The following TRIM59 variants were observed in gnomAD, a reference collection of about 807,000 sequenced individuals.
TRIM59 encodes tripartite motif containing 59.
A neutral mutation model predicts 32.2 loss-of-function variants in TRIM59; 14 were observed. The ratio of observed to expected loss-of-function variants is 0.43; its 90% CI spans 0.29 to 0.68. TRIM59 has a LOEUF of 0.68. Ranked by LOEUF, TRIM59 falls within the 30% of genes least tolerant of loss-of-function variation. The pLI is 0.15. For missense variants in TRIM59, 471 were observed against 463.3 expected (o/e 1.02, Z -0.15); for synonymous variants, 163 against 155.1 (o/e 1.05, Z -0.38).
rs1718932884 is a variant in TRIM59 at position 160,436,162 on chromosome 3, A to AT, written c.*1809dup. On this transcript the variant is annotated 3_prime_UTR_variant, in exon 3 of 3. Coordinates refer to ENST00000309784, the MANE Select transcript of TRIM59 (RefSeq NM_173084.3). ...TAAGTCTGATTCTAATAATAAATTG[A>AT]TATAATACAGTCATCTTAGTGTTAA... The AT allele has an allele frequency of 6.8e-6, 7 of 1,025,598 alleles. No homozygotes were observed. Among genetic ancestry groups the AT allele is most frequent in the Middle Eastern group, 4.8e-4 (1 of 2,104 alleles). The allele number at this position is 1,025,598 out of a possible 1,614,324, so 63.5% of individuals were successfully genotyped here. A position where few individuals can be genotyped will look rare whatever the true frequency, so the allele number is the denominator to read the frequency against.
intron 2 of TRIM59, among the ~76,000 whole-genome samples, chr3:160,442,446 G>T (rs1719302108): frequency 6.6e-6 from 1 of 151,946 alleles, no homozygotes; most frequent in Non-Finnish European, 1.5e-5. Context: ...GCCAGGCATG[G>T]TGGCGCACAC....
In TRIM59 at chr3:160,439,191, CAA is replaced by C. The variant is rs776099736; in HGVS notation, c.-3-7_-3-6del. 4 of 1,484,848 alleles carry C rather than the reference CAA, an allele frequency of 2.7e-6. No homozygotes were observed. The highest frequency in any genetic ancestry group is 1.4e-5 in the African/African-American group (1 of 71,350). The allele number at this position is 1,484,848 out of a possible 1,614,324, so 92.0% of individuals were successfully genotyped here. ...TTCCTCAAAATTGTGCATTTCCTGTCAAGAGAAAAATGTATTTTAAGTTTACA... is the reference window on the plus strand; with the variant it reads ...TTCCTCAAAATTGTGCATTTCCTGTCGAGAAAAATGTATTTTAAGTTTACA... On this transcript the variant is annotated splice_region_variant and splice_polypyrimidine_tract_variant and intron_variant, in intron 2 of 2. Coordinates refer to ENST00000309784, the MANE Select transcript of TRIM59 (RefSeq NM_173084.3).
rs752742421 is a variant in TRIM59 at position 160,438,198 on chromosome 3, A to T, written c.986T>A (p.Ile329Asn). Residue 329 changes from isoleucine (I) to asparagine (N), a missense_variant, in exon 3 of 3, where the codon ATT (isoleucine) becomes AAT (asparagine). By Grantham distance (149) the Ile-to-Asn change is moderately radical. Coordinates refer to ENST00000309784, the MANE Select transcript of TRIM59 (RefSeq NM_173084.3). ...KDEKEVEFLK[I>N]LNIVVVTLIS... ...TAATGTAACTACAACAATGTTTAAA[A>T]TTTTTAAAAATTCAACTTCCTTTTC... is the stretch of plus-strand genomic sequence containing the variant. 1.2e-6 allele frequency: 2 copies of T among 1,612,944 alleles called. No individual in the cohort carries two copies. Among genetic ancestry groups the T allele is most frequent in the South Asian group, 1.1e-5 (1 of 90,708 alleles).
intron 2 of TRIM59, among the ~76,000 whole-genome samples, chr3:160,440,601 T>C (rs1293559546): frequency 3.3e-5 from 5 of 152,170 alleles, no homozygotes; most frequent in Admixed American, 2.6e-4. Flanking sequence ...GAAAGTACCT[T>C]AGGCAAAACT....
intron 1 of TRIM59, chr3:160,449,308 C>A: frequency 3.4e-6 from 1 of 290,674 alleles, no homozygotes; most frequent in Non-Finnish European, 6.4e-6. Context: ...CACTTAAGTC[C>A]TGCGAGCACC....
At chr3:160,444,955 C>T (rs1200595259) in intron 2 of TRIM59, among the ~76,000 whole-genome samples, 1 of 151,898 alleles carries the variant, frequency 6.6e-6, no homozygotes, top group Non-Finnish European at 1.5e-5. Context: ...TACACAGCCA[C>T]GACATAATTT....
intron 1 of TRIM59, among the ~76,000 whole-genome samples, chr3:160,449,287 T>C (rs1719693032): frequency 6.6e-6 from 1 of 152,204 alleles, no homozygotes; most frequent in Admixed American, 6.5e-5. Context: ...AATGGGTAAC[T>C]GCACCTACCT....
rs2108513246 is a variant in TRIM59, at chr3:160,436,808, A to G, written c.*1164T>C. ...GCAAGACTCCGTCTCAAAAAAAAAA[A>G]AAAAAAAAAAAAAAAAAGATTAAGT... On this transcript the variant is annotated 3_prime_UTR_variant, in exon 3 of 3. Coordinates refer to ENST00000309784, the MANE Select transcript of TRIM59 (RefSeq NM_173084.3). 1.1e-6 allele frequency: 1 copy of G among 894,974 alleles called. No individual in the cohort carries two copies. Among genetic ancestry groups the G allele is most frequent in the South Asian group, 5.2e-5 (1 of 19,384 alleles). The allele number at this position is 894,974 out of a possible 1,614,324, so 55.4% of individuals were successfully genotyped here.
intron 2 of TRIM59, among the ~76,000 whole-genome samples, chr3:160,446,415 TA>T (rs960688966): frequency 2.6e-4 from 39 of 151,678 alleles, no homozygotes; most frequent in African/African-American, 8.9e-4. Flanking sequence ...AGGAGTACAT[TA>T]AAAAAAACAC....
In TRIM59 at chr3:160,436,994, C is replaced by G; in HGVS notation, c.*978G>C. 1 of 985,012 alleles carries G rather than the reference C, an allele frequency of 1.0e-6. No individual in the cohort carries two copies. The highest frequency in any genetic ancestry group is 1.2e-6 in the Non-Finnish European group (1 of 829,854). 61.0% of individuals were successfully genotyped at this position (985,012 alleles called of 1,614,324 possible). A position where few individuals can be genotyped will look rare whatever the true frequency, so the allele number is the denominator to read the frequency against. On this transcript the variant is annotated 3_prime_UTR_variant, in exon 3 of 3. Transcript: ENST00000309784. ...GTTTTTAATCCAAGAACTGATTTGA[C>G]TGACGAGCAGAAAAAAAAACAATCT...
chr3:160,449,724 A>G lies in TRIM59; in HGVS notation c.-81T>C. 7.8e-7 allele frequency: 1 copy of G among 1,289,992 alleles called. No homozygotes were observed. The highest frequency in any genetic ancestry group is 1.2e-5 in the South Asian group (1 of 81,028). The allele number at this position is 1,289,992 out of a possible 1,614,324, so 79.9% of individuals were successfully genotyped here. A position where few individuals can be genotyped will look rare whatever the true frequency, so the allele number is the denominator to read the frequency against. On this transcript the variant is annotated 5_prime_UTR_variant, in exon 1 of 3. Coordinates refer to ENST00000309784, the MANE Select transcript of TRIM59 (RefSeq NM_173084.3). ...AAAGGTCCTTAGACTCACCGCGGGG[A>G]GGAAGCGGACCAGGCAACTCCACAG...
intron 2 of TRIM59, among the ~76,000 whole-genome samples, chr3:160,443,139 C>T (rs1346663730): frequency 2.6e-5 from 4 of 152,098 alleles, no homozygotes; most frequent in Admixed American, 2.6e-4. Flanking sequence ...AAAAAAGATA[C>T]AGGTGGCTAC....
chr3:160,443,863 A>G (rs991615495), intron 2 of TRIM59, among the ~76,000 whole-genome samples: 3 of 152,112 alleles, frequency 2.0e-5, no homozygotes, highest in African/African-American at 7.2e-5. Flanking sequence ...GTTGGTCTCA[A>G]TCTCCTGACC....
chr3:160,437,065 G>A lies in TRIM59; in HGVS notation c.*907C>T. On this transcript the variant is annotated 3_prime_UTR_variant, in exon 3 of 3. Coordinates refer to ENST00000309784, the MANE Select transcript of TRIM59 (RefSeq NM_173084.3). ...AATATGACAAGTATTAGAAAATGCTGGCCCCCAGGCACAGTGTGGCTAACG... is the reference window on the plus strand; with the variant it reads ...AATATGACAAGTATTAGAAAATGCTAGCCCCCAGGCACAGTGTGGCTAACG... 5 of 985,274 alleles carry A rather than the reference G, an allele frequency of 5.1e-6. No individual in the cohort carries two copies. The highest frequency in any genetic ancestry group is 4.8e-6 in the Non-Finnish European group (4 of 829,896). 61.0% of individuals were successfully genotyped at this position (985,274 alleles called of 1,614,324 possible). A position where few individuals can be genotyped will look rare whatever the true frequency, so the allele number is the denominator to read the frequency against.
chr3:160,446,757 G>A (rs1419248704), intron 2 of TRIM59, among the ~76,000 whole-genome samples: 3 of 152,152 alleles, frequency 2.0e-5, no homozygotes, highest in Non-Finnish European at 2.9e-5. Flanking sequence ...CCTGAGCTCC[G>A]CCTCCTGCCA....
chr3:160,436,106 T>C lies in TRIM59; in HGVS notation c.*1866A>G, dbSNP rs1384060741. 6.4e-6 allele frequency: 7 copies of C among 1,094,220 alleles called. No homozygotes were observed. Among genetic ancestry groups the C allele is most frequent in the Admixed American group, 5.0e-5 (1 of 20,070 alleles). The allele number at this position is 1,094,220 out of a possible 1,614,324, so 67.8% of individuals were successfully genotyped here. ...CTCTACTATGCCCTTTAAATGTTCT[T>C]TGCCCACACAATAGTTAATTGTGCT... On this transcript the variant is annotated 3_prime_UTR_variant, in exon 3 of 3. Transcript: ENST00000309784.
At chr3:160,439,757 A>T (rs543176936) in intron 2 of TRIM59, among the ~76,000 whole-genome samples, 1 of 151,866 alleles carries the variant, frequency 6.6e-6, no homozygotes, top group East Asian at 1.9e-4. Flanking sequence ...AGTCCATTAA[A>T]CCTCTTTTTC....
chr3:160,440,550 GCT>G (rs1719188836), intron 2 of TRIM59, among the ~76,000 whole-genome samples: 1 of 152,080 alleles, frequency 6.6e-6, no homozygotes, highest in African/African-American at 2.4e-5. Flanking sequence ...CTAAAGACTA[GCT>G]TACCCCTTGA....
At chr3:160,440,585 ACT>A (rs1447358849) in intron 2 of TRIM59, among the ~76,000 whole-genome samples, 1 of 152,110 alleles carries the variant, frequency 6.6e-6, no homozygotes, top group Non-Finnish European at 1.5e-5. Context: ...AAGTTATACC[ACT>A]GTTGAAAGTA....
Sources: allele counts gnomAD v4.1 joint callset (sites outside exome capture counted in the v4.1 genomes callset), GRCh38; gene constraint gnomAD v4.1.1; transcripts MANE v1.5; gene names NCBI Gene and HGNC (gene_info 2026-07-23, HGNC 2026-07-21).